Variants in DAGLA observed in about 807,000 individuals in gnomAD.
DAGLA encodes diacylglycerol lipase alpha.
A neutral mutation model predicts 102.6 loss-of-function variants in DAGLA; 22 were observed. The observed-to-expected ratio is 0.21, with a 90% CI of 0.15 to 0.31. The LOEUF (loss-of-function observed/expected upper bound fraction) is 0.31. DAGLA is among the 10% of genes least tolerant of loss of function. The pLI is 1.00. For synonymous variants in DAGLA, 578 were observed against 628.9 expected (o/e 0.92, Z 1.21); for missense variants, 927 against 1,446.6 (o/e 0.64, Z 5.83).
chr11:61,685,406 A>G (rs916845154), intron 1 of DAGLA, among the ~76,000 whole-genome samples: 16 of 152,302 alleles, frequency 1.1e-4, no homozygotes, highest in African/African-American at 3.9e-4. Flanking sequence ...TCATTACTTG[A>G]TAAGAAGTTA....
intron 1 of DAGLA, among the ~76,000 whole-genome samples, chr11:61,702,008 T>C (rs1238567803): frequency 6.6e-6 from 1 of 152,096 alleles, no homozygotes; most frequent in Non-Finnish European, 1.5e-5. Context: ...ACTCCTGGCC[T>C]CAAGTAATTC....
chr11:61,721,351 G>A (rs1358822285), intron 3 of DAGLA, among the ~76,000 whole-genome samples: 2 of 152,090 alleles, frequency 1.3e-5, no homozygotes, highest in African/African-American at 2.4e-5. Context: ...CCGAGATTGC[G>A]CCACTGCACT....
chr11:61,727,847 C>G (rs562974953), intron 6 of DAGLA, among the ~76,000 whole-genome samples: 1 of 152,234 alleles, frequency 6.6e-6, no homozygotes, highest in South Asian at 2.1e-4. Context: ...TCTGGGAAAG[C>G]AAAAAGGAGT....
Position 61,723,427 on chromosome 11 carries a change from C to T in DAGLA, c.410-7C>T. ...CCCTACCTAATGCCTCCCACTGCTGCCCGCAGGAATGGTTGTCTGCAACTG... is the reference window on the plus strand; with the variant it reads ...CCCTACCTAATGCCTCCCACTGCTGTCCGCAGGAATGGTTGTCTGCAACTG... On this transcript the variant is annotated splice_region_variant and splice_polypyrimidine_tract_variant and intron_variant, in intron 4 of 19. Coordinates refer to ENST00000257215, the MANE Select transcript of DAGLA (RefSeq NM_006133.3). The T allele has an allele frequency of 6.2e-7, 1 of 1,609,768 alleles. No individual in the cohort carries two copies. Among genetic ancestry groups the T allele is most frequent in the Non-Finnish European group, 8.5e-7 (1 of 1,176,314 alleles).
chr11:61,686,227 G>A lies in DAGLA; in HGVS notation c.-45+5723G>A, dbSNP rs1005440808. Among the ~76,000 whole-genome samples, 1 of 152,096 alleles carries A rather than the reference G, an allele frequency of 6.6e-6. No homozygotes were observed. Among genetic ancestry groups the A allele is most frequent in the Non-Finnish European group, 1.5e-5 (1 of 68,016 alleles). ...GTGGTCACTAGGAGGGGAAGGGGTG[G>A]GAAGTGGGGCCAGGAAGCTGAGCTG... On this transcript the variant is annotated intron_variant, in intron 1 of 19. Coordinates refer to ENST00000257215, the MANE Select transcript of DAGLA (RefSeq NM_006133.3). The surrounding 1 kb of genome is among the most constrained non-coding windows in gnomAD (Gnocchi z 5.2).
chr11:61,701,055 G>A (rs1206197331), intron 1 of DAGLA, among the ~76,000 whole-genome samples: 3 of 152,190 alleles, frequency 2.0e-5, no homozygotes, highest in East Asian at 1.9e-4. Context: ...TCCCGGAACC[G>A]GGGCCCAAAG....
At chr11:61,726,468 A>G (rs1189666178) in intron 6 of DAGLA, among the ~76,000 whole-genome samples, 1 of 152,270 alleles carries the variant, frequency 6.6e-6, no homozygotes, top group Non-Finnish European at 1.5e-5. Context: ...ACGGTCCTAG[A>G]TGGGGACACA....
intron 16 of DAGLA, among the ~76,000 whole-genome samples, chr11:61,738,752 A>G (rs549908695): frequency 1.3e-5 from 2 of 152,212 alleles, no homozygotes; most frequent in East Asian, 1.9e-4. Context: ...GGGTGGGGAC[A>G]TGGTGGCCAG....
chr11:61,682,853 G>A, intron 1 of DAGLA, among the ~76,000 whole-genome samples: 1 of 150,940 alleles, frequency 6.6e-6, no homozygotes, highest in South Asian at 2.2e-4. Flanking sequence ...CAGGGGGACG[G>A]GGGGGGGAGG....
intron 17 of DAGLA, 139 bp from the exon 18 acceptor site, chr11:61,740,324 C>G: frequency 8.8e-7 from 1 of 1,138,638 alleles, no homozygotes; most frequent in East Asian, 2.4e-5. Context: ...GGAACAGAGC[C>G]CTGCTGCCAG....
chr11:61,730,756 C>G (rs1170960839), intron 8 of DAGLA, among the ~76,000 whole-genome samples: 1 of 152,200 alleles, frequency 6.6e-6, no homozygotes, highest in Non-Finnish European at 1.5e-5. Flanking sequence ...TGCCCGGAGC[C>G]CTGGGAGCCT....
chr11:61,705,517 G>A (rs891446110), intron 1 of DAGLA, among the ~76,000 whole-genome samples: 3 of 152,200 alleles, frequency 2.0e-5, no homozygotes, highest in Non-Finnish European at 4.4e-5. Context: ...CTCTCCTGTG[G>A]TTGCTTCCCT....
chr11:61,718,680 ACTC>A (rs922653781), intron 1 of DAGLA, among the ~76,000 whole-genome samples: 1 of 144,550 alleles, frequency 6.9e-6, no homozygotes, highest in African/African-American at 2.6e-5. Flanking sequence ...CTGAGCTCCG[ACTC>A]CTCCTTGGAG....
At position 61,736,138 on chromosome 11, in the gene DAGLA, C is replaced by T. The variant is rs913905245; in HGVS notation, c.1291-132C>T. 4.1e-6 allele frequency: 3 copies of T among 726,386 alleles called. No individual in the cohort carries two copies. The African/African-American group carries it at 5.3e-5, about 13-fold the overall frequency. 45.0% of individuals were successfully genotyped at this position (726,386 alleles called of 1,614,324 possible). ...ACAGGATCAGCGTGTCTGCCAGCCC[C>T]CACAGCTGGGTTGTCACGAGGCCCA... On this transcript the variant is annotated intron_variant, in intron 12 of 19. Transcript: ENST00000257215.
chr11:61,697,531 A>T (rs1226643612), intron 1 of DAGLA, among the ~76,000 whole-genome samples: 1 of 152,108 alleles, frequency 6.6e-6, no homozygotes, highest in Admixed American at 6.5e-5. Context: ...GCAGGGTTCC[A>T]GGTTCTGCTC....
At position 61,744,396 on chromosome 11, in the gene DAGLA, A is replaced by T. The variant is rs1294742345; in HGVS notation, c.3036A>T (p.Glu1012Asp). The change falls in exon 20 of 20, where the codon GAA (glutamate) becomes GAT (aspartate). Residue 1012 changes from glutamate (E) to aspartate (D), a missense_variant. Coordinates refer to ENST00000257215, the MANE Select transcript of DAGLA (RefSeq NM_006133.3). ...DLTPTGLSSQECLAADKIRTS... is the reference protein window; with the variant it reads ...DLTPTGLSSQDCLAADKIRTS... Reference sequence around the variant, plus strand: ...CGCCCACGGGCCTCAGTAGCCAGGAATGCCTGGCGGCTGACAAGATCCGGA... The same window carrying T: ...CGCCCACGGGCCTCAGTAGCCAGGATTGCCTGGCGGCTGACAAGATCCGGA... 7.4e-6 allele frequency: 12 copies of T among 1,611,270 alleles called. No homozygotes were observed. The highest frequency in any genetic ancestry group is 1.0e-5 in the Non-Finnish European group (12 of 1,178,810).
chr11:61,704,308 C>G (rs1310549403), intron 1 of DAGLA, among the ~76,000 whole-genome samples: 1 of 151,656 alleles, frequency 6.6e-6, no homozygotes, highest in Admixed American at 6.6e-5. Flanking sequence ...TTGATAGAGA[C>G]GGGGTTTCAC....
In DAGLA at chr11:61,722,920, C is replaced by T. The variant is rs1051562096; in HGVS notation, c.369C>T (p.Tyr123=). 3 of 1,614,170 alleles carry T rather than the reference C, an allele frequency of 1.9e-6. No homozygotes were observed. The highest frequency in any genetic ancestry group is 1.7e-5 in the Admixed American group (1 of 60,032). Residue 123 remains tyrosine (Y), a synonymous_variant, in exon 4 of 20, where the codon TAC becomes TAT. Transcript: ENST00000257215. ...GCATCGTCTGGCTCACTCAGTACTACACCTCCTGCAACGACCTCACTGCCA... is the reference window on the plus strand; with the variant it reads ...GCATCGTCTGGCTCACTCAGTACTATACCTCCTGCAACGACCTCACTGCCA... ...IVGIVWLTQY[Y]TSCNDLTAKN...
rs1227663147 is a variant in DAGLA at position 61,746,017 on chromosome 11, A to C, written c.*1528A>C. ...CCGCCTGCTCGTGCCTTCATTCTGC[A>C]GCGGCATGGTCCCTCCCATTCTGGC... On this transcript the variant is annotated 3_prime_UTR_variant, in exon 20 of 20. Transcript: ENST00000257215. The C allele has an allele frequency of 1.3e-5, 2 of 152,392 alleles. No homozygotes were observed. The highest frequency in any genetic ancestry group is 6.5e-5 in the Admixed American group (1 of 15,286). 9.4% of individuals were successfully genotyped at this position (152,392 alleles called of 1,614,324 possible).
Sources: gnomAD v4.1 joint callset for allele counts (sites outside exome capture counted in the v4.1 genomes callset) on GRCh38, gnomAD v4.1.1 for gene constraint, Gnocchi (gnomAD v3.1) non-coding constraint, MANE v1.5 for transcripts, NCBI Gene and HGNC (gene_info 2026-07-23, HGNC 2026-07-21) for gene names.